FXR2: variants seen among roughly 807,000 people sequenced by gnomAD.
The protein encoded by FXR2 is FMR1 autosomal homolog 2, also known as RNA-binding protein FXR2.
In FXR2, 9 loss-of-function variants were observed where a neutral mutation model predicts 87.3. That is an observed-to-expected ratio of 0.10 (90% CI 0.06 to 0.18). FXR2 has a LOEUF of 0.18. Ranked by LOEUF, FXR2 falls within the 10% of genes least tolerant of loss-of-function variation. The pLI, the probability that FXR2 is intolerant of heterozygous loss-of-function variation, is 1.00. For synonymous variants in FXR2, 331 were observed against 328.3 expected, an observed-to-expected ratio of 1.01 and a Z score of -0.09; for missense variants, 661 against 893.6, an observed-to-expected ratio of 0.74 and a Z score of 3.32.
Position 7,594,425 on chromosome 17 carries a change from G to A in FXR2, c.911-78C>T. On this transcript the variant is annotated intron_variant, in intron 9 of 16. Coordinates refer to ENST00000250113, the MANE Select transcript of FXR2 (RefSeq NM_004860.4). The surrounding 1 kb of genome is among the most constrained non-coding windows in gnomAD (Gnocchi z 5.1). ...AATAAAGCTGATACACCGTCTTCCA[G>A]CCTCATTTTCTTTATATGGATTCCA... 1.1e-6 allele frequency: 1 copy of A among 889,378 alleles called. No homozygotes were observed. The highest frequency in any genetic ancestry group is 1.8e-6 in the Non-Finnish European group (1 of 554,342). 55.1% of individuals were successfully genotyped at this position (889,378 alleles called of 1,614,324 possible).
chr17:7,599,496 A>G (rs987628414), intron 7 of FXR2, among the ~76,000 whole-genome samples: 1 of 152,168 alleles, frequency 6.6e-6, no homozygotes. Context: ...TCAAACACAC[A>G]CACCCTATTC....
In FXR2 at chr17:7,593,657, G is replaced by A; in HGVS notation, c.1108-32C>T. On this transcript the variant is annotated intron_variant, in intron 11 of 16. Transcript: ENST00000250113. This position sits in a 1 kb window ranked among gnomAD's most constrained non-coding sequence, Gnocchi z 6.1. ...GGGTAAAAGATGGAAGAAGGGGAAG[G>A]AGAAATAAGATCAGTGCCTTGCTTC... is the stretch of plus-strand genomic sequence containing the variant. 1 of 1,427,662 alleles carries A rather than the reference G, an allele frequency of 7.0e-7. No homozygotes were observed. Among genetic ancestry groups the A allele is most frequent in the Admixed American group, 1.9e-5 (1 of 51,450 alleles). The allele number at this position is 1,427,662 out of a possible 1,614,324, so 88.4% of individuals were successfully genotyped here.
chr17:7,604,063 A>C lies in FXR2; in HGVS notation c.246T>G (p.Asn82Lys). 6.3e-7 allele frequency: 1 copy of C among 1,578,390 alleles called. No homozygotes were observed. The highest frequency in any genetic ancestry group is 8.6e-7 in the Non-Finnish European group (1 of 1,162,254). ...GCCACCAGCCACAAGGTTCCTGTTCATTGGCTCGAGAATAAACCTAAAGAA... is the reference window on the plus strand; with the variant it reads ...GCCACCAGCCACAAGGTTCCTGTTCCTTGGCTCGAGAATAAACCTAAAGAA... ...GDEVEVYSRA[N>K]EQEPCGWWLA... Residue 82 changes from asparagine (N) to lysine (K), a missense_variant, in exon 4 of 17, where the codon AAT becomes AAG. By Grantham distance (94) the Asn-to-Lys change is moderately conservative. Around this residue, in one of 3 missense-constraint regions of FXR2, gnomAD observed 170 missense variants for 247.2 expected, o/e 0.69. Coordinates refer to ENST00000250113, the MANE Select transcript of FXR2 (RefSeq NM_004860.4).
intron 1 of FXR2, among the ~76,000 whole-genome samples, chr17:7,607,919 A>T (rs1296122493): frequency 1.3e-5 from 2 of 151,936 alleles, no homozygotes; most frequent in Non-Finnish European, 2.9e-5. Flanking sequence ...CAGCCTCCCA[A>T]GTAGCTGGGA....
Position 7,594,738 on chromosome 17 carries a change from T to C in FXR2, c.851A>G (p.Gln284Arg). ...AGAAAACTCAAGGTAGCTTCGGGCC[T>C]GTCGGCAAGCCTCGGGAGTCTAAAG... ...IYGETPEACR[Q>R]ARSYLEFSED... Residue 284 changes from glutamine (Q) to arginine (R), a missense_variant, in exon 9 of 17, where the codon CAG becomes CGG. Transcript: ENST00000250113. The surrounding 1 kb of genome is among the most constrained non-coding windows in gnomAD (Gnocchi z 5.1). 1 of 1,611,580 alleles carries C rather than the reference T, an allele frequency of 6.2e-7. No individual in the cohort carries two copies. The highest frequency in any genetic ancestry group is 8.5e-7 in the Non-Finnish European group (1 of 1,177,832).
In FXR2 at chr17:7,604,152, G is replaced by A. The variant is rs147257987; in HGVS notation, c.229-72C>T. 3.1e-3 allele frequency: 3,371 copies of A among 1,103,286 alleles called. 14 individuals carry two copies. The highest frequency in any genetic ancestry group is 0.019 in the African/African-American group (1,224 of 64,598). The allele number at this position is 1,103,286 out of a possible 1,614,324, so 68.3% of individuals were successfully genotyped here. ...GCATCAAGAAAGGGATGAGGAGGCC[G>A]GGCATGGTGGGGCTCACACCTGTAA... On this transcript the variant is annotated intron_variant, in intron 3 of 16. Coordinates refer to ENST00000250113, the MANE Select transcript of FXR2 (RefSeq NM_004860.4).
Position 7,594,683 on chromosome 17 carries a change from C to T in FXR2, c.906G>A (p.Leu302=), listed in dbSNP as rs3744267. ...ATATACACACCACCAACTCACCAAC[C>T]AGGTTCCTGGGCACTTGCACTGAGT... ...SEDSVQVPRN[L]VGKVIGKNGK... Residue 302 remains leucine (L), a synonymous_variant, in exon 9 of 17, where the codon CTG becomes CTA. Transcript: ENST00000250113. This position sits in a 1 kb window ranked among gnomAD's most constrained non-coding sequence, Gnocchi z 5.1. 1.7e-4 allele frequency: 270 copies of T among 1,597,234 alleles called. No homozygotes were observed. In the East Asian group the frequency reaches 5.4e-3, roughly 32 times the overall value.
rs1039395880 is a variant in FXR2, at chr17:7,613,843, G to A, written c.81+609C>T. 84 of 348,794 alleles carry A rather than the reference G, an allele frequency of 2.4e-4. 1 individual carries two copies. Among genetic ancestry groups the A allele is most frequent in the Admixed American group, 1.9e-4 (5 of 26,800 alleles). The allele number at this position is 348,794 out of a possible 1,614,324, so 21.6% of individuals were successfully genotyped here. A position where few individuals can be genotyped will look rare whatever the true frequency, so the allele number is the denominator to read the frequency against. ...TGCGAAAGATGCCACCTTATGGCTGGCTGGGAAGCAACTTGACTGATCCAA... is the reference window on the plus strand; with the variant it reads ...TGCGAAAGATGCCACCTTATGGCTGACTGGGAAGCAACTTGACTGATCCAA... On this transcript the variant is annotated intron_variant, in intron 1 of 16. Transcript: ENST00000250113.
At position 7,601,540 on chromosome 17, in the gene FXR2, G is replaced by A. The variant is rs17643401; in HGVS notation, c.544-15C>T. 0.18 allele frequency: 272,810 copies of A among 1,483,972 alleles called. 25,643 individuals are homozygous for A. Among genetic ancestry groups the A allele is most frequent in the Non-Finnish European group, 0.2 (210,438 of 1,062,660 alleles). The allele number at this position is 1,483,972 out of a possible 1,614,324, so 91.9% of individuals were successfully genotyped here. On this transcript the variant is annotated splice_polypyrimidine_tract_variant and intron_variant, in intron 6 of 16. Transcript: ENST00000250113. ...TCTGTGGTTGACTGGGAGGAAACCAGTGGGAAAGTCATTAAAACTGGCTTG... is the reference window on the plus strand; with the variant it reads ...TCTGTGGTTGACTGGGAGGAAACCAATGGGAAAGTCATTAAAACTGGCTTG...
At position 7,591,313 on chromosome 17, in the gene FXR2, C is replaced by T. The variant is rs2071657287; in HGVS notation, c.*517G>A. On this transcript the variant is annotated 3_prime_UTR_variant, in exon 17 of 17. Coordinates refer to ENST00000250113, the MANE Select transcript of FXR2 (RefSeq NM_004860.4). The surrounding 1 kb of genome is among the most constrained non-coding windows in gnomAD (Gnocchi z 4.0). ...TTCTCATCCACCAGACAAGGTTGGT[C>T]CCCTCCCCAGGGGGACCTTGTCACC... 1 of 164,576 alleles carries T rather than the reference C, an allele frequency of 6.1e-6. No individual in the cohort carries two copies. The highest frequency in any genetic ancestry group is 1.5e-4 in the South Asian group (1 of 6,832). The allele number at this position is 164,576 out of a possible 1,614,324, so 10.2% of individuals were successfully genotyped here. A position where few individuals can be genotyped will look rare whatever the true frequency, so the allele number is the denominator to read the frequency against.
chr17:7,600,950 C>T (rs1012104013), intron 7 of FXR2, among the ~76,000 whole-genome samples: 7 of 152,112 alleles, frequency 4.6e-5, no homozygotes, highest in South Asian at 4.1e-4. Context: ...GAGGCTGAGG[C>T]GGGTGGATCA....
chr17:7,599,660 T>C (rs1465180799), intron 7 of FXR2, among the ~76,000 whole-genome samples: 1 of 152,064 alleles, frequency 6.6e-6, no homozygotes, highest in Non-Finnish European at 1.5e-5. Flanking sequence ...GCGGATCACC[T>C]GAGGTCCATA....
At position 7,594,198 on chromosome 17, in the gene FXR2, TG is replaced by T; in HGVS notation, c.1020+39del. On this transcript the variant is annotated intron_variant, in intron 10 of 16. Coordinates refer to ENST00000250113, the MANE Select transcript of FXR2 (RefSeq NM_004860.4). This position sits in a 1 kb window ranked among gnomAD's most constrained non-coding sequence, Gnocchi z 5.1. Reference sequence around the variant, plus strand: ...CTCAGAGGACAATCCCATTTACTTCTGGAAACCAATCTCTATGCCCACTTGC... The same window carrying T: ...CTCAGAGGACAATCCCATTTACTTCTGAAACCAATCTCTATGCCCACTTGC... 8.2e-7 allele frequency: 1 copy of T among 1,223,242 alleles called. No individual in the cohort carries two copies. Among genetic ancestry groups the T allele is most frequent in the Non-Finnish European group, 1.2e-6 (1 of 827,368 alleles). The allele number at this position is 1,223,242 out of a possible 1,614,324, so 75.8% of individuals were successfully genotyped here. A position where few individuals can be genotyped will look rare whatever the true frequency, so the allele number is the denominator to read the frequency against.
rs868785846 is a variant in FXR2, at chr17:7,595,732, G to A, written c.831+92C>T. 97 of 982,610 alleles carry A rather than the reference G, an allele frequency of 9.9e-5. No individual in the cohort carries two copies. The Middle Eastern group carries it at 1.1e-3, about 11-fold the overall frequency. 60.9% of individuals were successfully genotyped at this position (982,610 alleles called of 1,614,324 possible). A position where few individuals can be genotyped will look rare whatever the true frequency, so the allele number is the denominator to read the frequency against. ...GAAGGTGCTGGGATTACAGGTGTGAGCCACTGTGCCCAGTTTGAGGCTTAT... is the reference window on the plus strand; with the variant it reads ...GAAGGTGCTGGGATTACAGGTGTGAACCACTGTGCCCAGTTTGAGGCTTAT... On this transcript the variant is annotated intron_variant, in intron 8 of 16. Transcript: ENST00000250113. This position sits in a 1 kb window ranked among gnomAD's most constrained non-coding sequence, Gnocchi z 4.7.
chr17:7,612,935 G>A (rs1387256743), intron 1 of FXR2, among the ~76,000 whole-genome samples: 2 of 137,810 alleles, frequency 1.5e-5, no homozygotes, highest in Non-Finnish European at 3.0e-5. Flanking sequence ...GGCGGAGCTT[G>A]CAGTGAGCCA....
intron 7 of FXR2, among the ~76,000 whole-genome samples, chr17:7,599,843 G>A (rs865154): frequency 4.1e-4 from 63 of 152,020 alleles, no homozygotes; most frequent in Non-Finnish European, 8.1e-4. Context: ...GCGCCACTGC[G>A]CTCTAGCCTG....
At position 7,595,679 on chromosome 17, in the gene FXR2, C is replaced by CT. The variant is rs1012180122; in HGVS notation, c.831+144dup. ...CACAGGCTGGTCTCAAACTCCTAGG[C>CT]TCAAGTGATCCTCTCACTTTGACCT... On this transcript the variant is annotated intron_variant, in intron 8 of 16. Coordinates refer to ENST00000250113, the MANE Select transcript of FXR2 (RefSeq NM_004860.4). The surrounding 1 kb of genome is among the most constrained non-coding windows in gnomAD (Gnocchi z 4.7). 15 of 633,510 alleles carry CT rather than the reference C, an allele frequency of 2.4e-5. No homozygotes were observed. The highest frequency in any genetic ancestry group is 3.9e-5 in the Non-Finnish European group (14 of 360,576). The allele number at this position is 633,510 out of a possible 1,614,324, so 39.2% of individuals were successfully genotyped here.
chr17:7,610,006 A>ATGTATGTATATATATACATGTATG lies in FXR2; in HGVS notation c.82-3858_82-3857insCATACATGTATATATATACATACA, dbSNP rs36196110. On this transcript the variant is annotated intron_variant, in intron 1 of 16. Coordinates refer to ENST00000250113, the MANE Select transcript of FXR2 (RefSeq NM_004860.4). The stretch of plus-strand genomic sequence containing the variant: ...TATATATATACATGTATATGTATAC[A>ATGTATGTATATATATACATGTATG]TATATATATACATGTATATGTATAC... 5.7e-4 allele frequency among the ~76,000 whole-genome samples: 55 copies of ATGTATGTATATATATACATGTATG among 95,674 alleles called. 1 individual carries two copies. Among genetic ancestry groups the ATGTATGTATATATATACATGTATG allele is most frequent in the African/African-American group, 2.0e-3 (49 of 24,642 alleles). 62.8% of individuals were successfully genotyped at this position (95,674 alleles called of 152,430 possible). A position where few individuals can be genotyped will look rare whatever the true frequency, so the allele number is the denominator to read the frequency against.
intron 1 of FXR2, among the ~76,000 whole-genome samples, chr17:7,610,121 G>A (rs951705469): frequency 3.3e-5 from 5 of 151,500 alleles, no homozygotes; most frequent in African/African-American, 1.2e-4. Context: ...AGCTATTCAG[G>A]GTGGCTGAGA....
Sources: allele counts gnomAD v4.1 joint callset (sites outside exome capture counted in the v4.1 genomes callset), GRCh38; gene constraint gnomAD v4.1.1; regional missense constraint gnomAD v4.1.1; non-coding constraint Gnocchi (gnomAD v3.1); transcripts MANE v1.5; gene names NCBI Gene and HGNC (gene_info 2026-07-23, HGNC 2026-07-21).